Variants in VWA3B observed in about 807,000 individuals in gnomAD.
The protein encoded by VWA3B is von Willebrand factor A domain containing 3B.
A neutral mutation model predicts 158.3 loss-of-function variants in VWA3B; 138 were observed. The observed-to-expected ratio is 0.87, with a 90% CI of 0.76 to 1.00. The LOEUF (loss-of-function observed/expected upper bound fraction) is 1.00. Ranked by LOEUF, VWA3B falls within the 50% of genes least tolerant of loss-of-function variation. The pLI, the probability that VWA3B is intolerant of heterozygous loss-of-function variation, is 0.00. For missense variants in VWA3B, 1,555 were observed against 1,565.1 expected (o/e 0.99, Z 0.11); for synonymous variants, 596 against 587.3 (o/e 1.01, Z -0.21).
At chr2:98,144,657 C>T (rs528254066) in intron 7 of VWA3B, among the ~76,000 whole-genome samples, 1 of 151,898 alleles carries the variant, frequency 6.6e-6, no homozygotes, top group East Asian at 1.9e-4. Flanking sequence ...ACCTCCTGCT[C>T]CCAGGCTCAA....
chr2:98,163,021 T>G, intron 8 of VWA3B, 45 bp downstream of exon 8: 1 of 1,607,324 alleles, frequency 6.2e-7, no homozygotes, highest in Non-Finnish European at 8.5e-7. Flanking sequence ...TCATAAATGT[T>G]ACTAGCTGGG....
chr2:98,284,594 A>G (rs1689060483), intron 22 of VWA3B, among the ~76,000 whole-genome samples: 1 of 152,270 alleles, frequency 6.6e-6, no homozygotes. Context: ...TGATATAACT[A>G]TAGCATGGCA....
chr2:98,234,816 G>C, intron 17 of VWA3B, 49 bp downstream of exon 17: 1 of 1,612,162 alleles, frequency 6.2e-7, no homozygotes, highest in Non-Finnish European at 8.5e-7. Flanking sequence ...TTTCCACAGT[G>C]TATCTGTTCC....
intron 6 of VWA3B, among the ~76,000 whole-genome samples, chr2:98,130,639 C>G (rs1675787587): frequency 6.6e-6 from 1 of 152,228 alleles, no homozygotes; most frequent in South Asian, 2.1e-4. Context: ...GCATATCTTG[C>G]ACAGCCCTTA....
At chr2:98,252,212 T>C (rs558045919) in intron 20 of VWA3B, among the ~76,000 whole-genome samples, 1 of 152,252 alleles carries the variant, frequency 6.6e-6, no homozygotes, top group Non-Finnish European at 1.5e-5. Flanking sequence ...CTCTGCCCTC[T>C]AGGATGTCAG....
At chr2:98,128,101 G>A in intron 5 of VWA3B, 138 bp from the exon 6 acceptor site, 1 of 1,061,818 alleles carries the variant, frequency 9.4e-7, no homozygotes, top group South Asian at 1.6e-5. Context: ...GATGTCCTCA[G>A]AAAACCCTGG....
chr2:98,179,055 T>G (rs184624077), intron 8 of VWA3B, among the ~76,000 whole-genome samples: 2 of 152,272 alleles, frequency 1.3e-5, no homozygotes, highest in Admixed American at 1.3e-4. Flanking sequence ...AGCCCCGATG[T>G]GTAGCATGTG....
At chr2:98,169,689 A>T (rs1014757473) in intron 8 of VWA3B, among the ~76,000 whole-genome samples, 10 of 150,288 alleles carry the variant, frequency 6.7e-5, no homozygotes, top group Admixed American at 6.6e-4. Context: ...CTGTTCAGAG[A>T]CGTGGGTGGG....
chr2:98,245,769 G>A (rs1686353749), intron 19 of VWA3B, among the ~76,000 whole-genome samples: 1 of 152,100 alleles, frequency 6.6e-6, no homozygotes, highest in African/African-American at 2.4e-5. Context: ...TTTTTCCAGG[G>A]AAAGAAAAAC....
intron 7 of VWA3B, among the ~76,000 whole-genome samples, chr2:98,151,228 T>C (rs1677603422): frequency 6.6e-6 from 1 of 152,124 alleles, no homozygotes; most frequent in African/African-American, 2.4e-5. Flanking sequence ...TTGTCCTGCC[T>C]CAGCCTCCCG....
chr2:98,152,960 A>G (rs967690740), intron 7 of VWA3B, among the ~76,000 whole-genome samples: 2 of 152,234 alleles, frequency 1.3e-5, no homozygotes, highest in African/African-American at 4.8e-5. Context: ...TATACAACCC[A>G]AAGTACCAAC....
chr2:98,244,425 T>C (rs1686263977), intron 19 of VWA3B, among the ~76,000 whole-genome samples: 1 of 152,194 alleles, frequency 6.6e-6, no homozygotes, highest in Admixed American at 6.5e-5. Context: ...TTATGTAAGC[T>C]AAATATATCT....
chr2:98,207,174 G>A (rs1683095769), intron 12 of VWA3B: 2 of 550,144 alleles, frequency 3.6e-6, no homozygotes, highest in African/African-American at 1.9e-5. Context: ...TGGGTATGAT[G>A]TGGGGAAAGA....
intron 21 of VWA3B, among the ~76,000 whole-genome samples, chr2:98,259,285 A>G (rs986836209): frequency 1.3e-5 from 2 of 151,712 alleles, no homozygotes; most frequent in African/African-American, 2.4e-5. Context: ...GACTGTTAAG[A>G]AGTATTCCCT....
In VWA3B at chr2:98,192,939, G is replaced by A. The variant is rs1681721416; in HGVS notation, c.1508G>A (p.Arg503Lys). The change falls in exon 11 of 28, where the codon AGA becomes AAA. Residue 503 changes from arginine (R) to lysine (K), a missense_variant. Arg to Lys is a conservative substitution (Grantham distance 26). Transcript: ENST00000477737. ...LQDGSQSLFGRLHNDCIYILI... is the reference protein window; with the variant it reads ...LQDGSQSLFGKLHNDCIYILI... ...GATGGGAGTCAAAGCCTCTTTGGAA[G>A]ATTGCATAATGATTGCATCTACATT... is the stretch of plus-strand genomic sequence containing the variant. The A allele has an allele frequency of 6.2e-7, 1 of 1,614,068 alleles. No homozygotes were observed. Among genetic ancestry groups the A allele is most frequent in the Non-Finnish European group, 8.5e-7 (1 of 1,180,052 alleles).
At chr2:98,211,073 C>A (rs1171192158) in intron 12 of VWA3B, among the ~76,000 whole-genome samples, 1 of 152,188 alleles carries the variant, frequency 6.6e-6, no homozygotes, top group Non-Finnish European at 1.5e-5. Flanking sequence ...GGCAGCCCTG[C>A]AGCAGGATTG....
At chr2:98,210,916 G>A (rs901674349) in intron 12 of VWA3B, among the ~76,000 whole-genome samples, 3 of 152,206 alleles carry the variant, frequency 2.0e-5, no homozygotes, top group Admixed American at 6.5e-5. Flanking sequence ...GACAAACTTG[G>A]CAGTAGTGGC....
At chr2:98,101,747 T>C (rs1196076212) in intron 2 of VWA3B, among the ~76,000 whole-genome samples, 1 of 152,146 alleles carries the variant, frequency 6.6e-6, no homozygotes, top group African/African-American at 2.4e-5. Flanking sequence ...TAAATATCTT[T>C]TGAGTAGGGT....
intron 11 of VWA3B, 106 bp from the exon 12 acceptor site, chr2:98,194,255 C>T: frequency 1.7e-6 from 2 of 1,189,118 alleles, no homozygotes; most frequent in Non-Finnish European, 2.4e-6. Context: ...GCTTCTTGAA[C>T]TGAAAATAGA....
Sources: allele counts gnomAD v4.1 joint callset (sites outside exome capture counted in the v4.1 genomes callset), GRCh38; gene constraint gnomAD v4.1.1; transcripts MANE v1.5; gene names NCBI Gene and HGNC (gene_info 2026-07-23, HGNC 2026-07-21).